GPC5: variants seen among roughly 807,000 people sequenced by gnomAD.
The protein encoded by GPC5 is glypican-5.
In GPC5, 47 loss-of-function variants were observed where a neutral mutation model predicts 53.9. The observed-to-expected ratio is 0.87, with a 90% CI of 0.69 to 1.11. The LOEUF is 1.11. Among genes scored for constraint, GPC5 ranks in the 50% most tolerant of loss-of-function variants. The pLI, the probability that GPC5 is intolerant of heterozygous loss-of-function variation, is 0.00. For missense variants in GPC5, 748 were observed against 713.1 expected, an observed-to-expected ratio of 1.05 and a Z score of -0.56; for synonymous variants, 286 against 263.3, an observed-to-expected ratio of 1.09 and a Z score of -0.84.
chr13:91,803,111 G>C, intron 5 of GPC5, among the ~76,000 whole-genome samples: 1 of 152,044 alleles, frequency 6.6e-6, no homozygotes, highest in East Asian at 1.9e-4. Context: ...TTAACTTTTA[G>C]TAATTATGAT....
At position 91,478,544 on chromosome 13, in the gene GPC5, A is replaced by G. The variant is rs140824474; in HGVS notation, c.325+29622A>G. On this transcript the variant is annotated intron_variant, in intron 2 of 7. Coordinates refer to ENST00000377067, the MANE Select transcript of GPC5 (RefSeq NM_004466.6). The stretch of plus-strand genomic sequence containing the variant: ...GTTTTTACATTATTTTTCACATTTT[A>G]TCTTGAAATTTGCTTTTAAATATTG... Among the ~76,000 whole-genome samples the G allele has an allele frequency of 1.2e-3, 187 of 151,832 alleles. 1 individual carries two copies. The highest frequency in any genetic ancestry group is 7.0e-3 in the Middle Eastern group (2 of 286).
intron 5 of GPC5, among the ~76,000 whole-genome samples, chr13:91,788,731 T>G (rs1231054125): frequency 1.3e-5 from 2 of 152,142 alleles, no homozygotes; most frequent in Admixed American, 6.5e-5. Flanking sequence ...ATCAAGAAAT[T>G]GTTAAGTGTA....
chr13:91,568,016 C>CT (rs2031613874), intron 2 of GPC5, among the ~76,000 whole-genome samples: 1 of 152,274 alleles, frequency 6.6e-6, no homozygotes, highest in Non-Finnish European at 1.5e-5. Flanking sequence ...TGTTTGACAG[C>CT]TTTTCCTTCA....
At chr13:92,195,931 T>C (rs2042253754) in intron 7 of GPC5, among the ~76,000 whole-genome samples, 3 of 152,118 alleles carry the variant, frequency 2.0e-5, no homozygotes, top group Admixed American at 2.0e-4. Context: ...GAAGAGTGAA[T>C]AGGGGTTTAA....
At chr13:92,632,954 T>G (rs1236872612) in intron 7 of GPC5, among the ~76,000 whole-genome samples, 7 of 152,154 alleles carry the variant, frequency 4.6e-5, no homozygotes, top group Non-Finnish European at 8.8e-5. Flanking sequence ...ACAATGGCGC[T>G]ATCTTGGCTC....
intron 2 of GPC5, among the ~76,000 whole-genome samples, chr13:91,476,541 A>G (rs1423183731): frequency 6.6e-6 from 1 of 152,224 alleles, no homozygotes; most frequent in Non-Finnish European, 1.5e-5. Context: ...AGATTGAACC[A>G]TATTGCTAAG....
At chr13:92,531,524 T>C (rs1299004364) in intron 7 of GPC5, among the ~76,000 whole-genome samples, 2 of 152,226 alleles carry the variant, frequency 1.3e-5, no homozygotes, top group East Asian at 1.9e-4. Flanking sequence ...TGTATACATA[T>C]GCATCTTTTT....
intron 5 of GPC5, among the ~76,000 whole-genome samples, chr13:91,840,800 G>T: frequency 6.6e-6 from 1 of 150,610 alleles, no homozygotes; most frequent in Non-Finnish European, 1.5e-5. Context: ...CAAACATTCA[G>T]GTATCCATTT....
At chr13:92,268,741 G>A (rs2042820000) in intron 7 of GPC5, among the ~76,000 whole-genome samples, 1 of 151,854 alleles carries the variant, frequency 6.6e-6, no homozygotes, top group Admixed American at 6.6e-5. Context: ...AGACAAATAT[G>A]TGTCCTTTGC....
intron 2 of GPC5, among the ~76,000 whole-genome samples, chr13:91,461,327 A>G (rs984989909): frequency 6.6e-6 from 1 of 152,144 alleles, no homozygotes; most frequent in African/African-American, 2.4e-5. Flanking sequence ...AGTAGAACAA[A>G]CATTGGTCTT....
chr13:92,070,515 C>G (rs1253112258), intron 6 of GPC5, among the ~76,000 whole-genome samples: 1 of 152,134 alleles, frequency 6.6e-6, no homozygotes, highest in East Asian at 1.9e-4. Context: ...TAATTAGCAC[C>G]ACTTTTTAAA....
intron 2 of GPC5, among the ~76,000 whole-genome samples, chr13:91,505,575 C>G (rs1486827699): frequency 6.6e-6 from 1 of 152,178 alleles, no homozygotes; most frequent in Non-Finnish European, 1.5e-5. Flanking sequence ...GCACTTTGTT[C>G]AAGTTTCACA....
chr13:91,482,484 G>T (rs1157938019), intron 2 of GPC5, among the ~76,000 whole-genome samples: 1 of 152,182 alleles, frequency 6.6e-6, no homozygotes, highest in Non-Finnish European at 1.5e-5. Flanking sequence ...CGTCAGCTAT[G>T]CTTCTCATAG....
intron 2 of GPC5, among the ~76,000 whole-genome samples, chr13:91,490,412 T>C (rs1883878126): frequency 6.6e-6 from 1 of 152,214 alleles, no homozygotes. Context: ...TTGAGTTAAA[T>C]AGACAGATGG....
chr13:92,028,581 G>T (rs976918298), intron 6 of GPC5, among the ~76,000 whole-genome samples: 4 of 152,070 alleles, frequency 2.6e-5, no homozygotes, highest in African/African-American at 9.7e-5. Flanking sequence ...CATTTATCAT[G>T]TGCTTTATTT....
chr13:92,625,281 A>T (rs1885011478), intron 7 of GPC5, among the ~76,000 whole-genome samples: 1 of 152,218 alleles, frequency 6.6e-6, no homozygotes, highest in Admixed American at 6.5e-5. Context: ...CTATAGTTAT[A>T]TGTCCAGAAA....
At chr13:92,475,515 G>C (rs1248149911) in intron 7 of GPC5, among the ~76,000 whole-genome samples, 1 of 150,536 alleles carries the variant, frequency 6.6e-6, no homozygotes, top group African/African-American at 2.4e-5. Context: ...TCTGTTGTTG[G>C]TGTATAAGAA....
chr13:91,896,265 A>C (rs556314370), intron 5 of GPC5, among the ~76,000 whole-genome samples: 1 of 151,932 alleles, frequency 6.6e-6, no homozygotes, highest in Non-Finnish European at 1.5e-5. Flanking sequence ...GACTACAGGC[A>C]CGTGCCACCA....
chr13:92,617,094 C>T (rs1472883676), intron 7 of GPC5, among the ~76,000 whole-genome samples: 1 of 152,130 alleles, frequency 6.6e-6, no homozygotes, highest in Non-Finnish European at 1.5e-5. Context: ...TGCTGTTGCG[C>T]TTAGAAAATG....
Sources: gnomAD v4.1 joint callset for allele counts (sites outside exome capture counted in the v4.1 genomes callset) on GRCh38, gnomAD v4.1.1 for gene constraint, MANE v1.5 for transcripts, NCBI Gene and HGNC (gene_info 2026-07-23, HGNC 2026-07-21) for gene names.